NEDD4L: variants seen among roughly 807,000 people sequenced by gnomAD.
The protein encoded by NEDD4L is E3 ubiquitin-protein ligase NEDD4-like.
A neutral mutation model predicts 148.9 loss-of-function variants in NEDD4L; 54 were observed. The observed-to-expected ratio is 0.36, with a 90% CI of 0.29 to 0.45. The LOEUF (loss-of-function observed/expected upper bound fraction) is 0.45. Among genes scored for constraint, NEDD4L ranks in the 20% least tolerant of loss-of-function variants. The pLI, the probability that NEDD4L is intolerant of heterozygous loss-of-function variation, is 1.00. For synonymous variants in NEDD4L, 433 were observed against 440.7 expected, an observed-to-expected ratio of 0.98 and a Z score of 0.22; for missense variants, 856 against 1,233.8, an observed-to-expected ratio of 0.69 and a Z score of 4.59.
rs571833614 is a variant in NEDD4L, at chr18:58,398,442, C to T, written c.*2173C>T. 2.6e-5 allele frequency: 4 copies of T among 151,400 alleles called. No homozygotes were observed. The highest frequency in any genetic ancestry group is 1.9e-4 in the East Asian group (1 of 5,184). The allele number at this position is 151,400 out of a possible 1,614,324, so 9.4% of individuals were successfully genotyped here. On this transcript the variant is annotated 3_prime_UTR_variant, in exon 31 of 31. Coordinates refer to ENST00000400345, the MANE Select transcript of NEDD4L (RefSeq NM_001144967.3). ...GGGATTCTTCTGTCATCTTGTAAAC[C>T]GTATATTGAAAAAAACAGAATGTCA...
At chr18:58,369,684 GGT>G (rs1023008497) in intron 22 of NEDD4L, among the ~76,000 whole-genome samples, 33 of 152,284 alleles carry the variant, frequency 2.2e-4, no homozygotes, top group Admixed American at 8.5e-4. Context: ...TGCCAGGTCT[GGT>G]GGGGTCAGGA....
intron 18 of NEDD4L, among the ~76,000 whole-genome samples, chr18:58,353,035 G>A (rs1432776288): frequency 6.6e-6 from 1 of 152,190 alleles, no homozygotes; most frequent in East Asian, 1.9e-4. Context: ...TTGAAATCAG[G>A]TTCATGGAGG....
intron 5 of NEDD4L, among the ~76,000 whole-genome samples, chr18:58,280,501 A>G (rs1484959947): frequency 6.6e-6 from 1 of 152,154 alleles, no homozygotes; most frequent in East Asian, 1.9e-4. Context: ...CGAAGACCAG[A>G]TGTGGCAGGG....
chr18:58,188,359 T>G (rs1568353416), intron 2 of NEDD4L, among the ~76,000 whole-genome samples: 1 of 152,188 alleles, frequency 6.6e-6, no homozygotes, highest in Non-Finnish European at 1.5e-5. Flanking sequence ...AAAAACATAT[T>G]GTTGCCAAGA....
At chr18:58,373,307 T>C (rs1355549267) in intron 24 of NEDD4L, 38 bp downstream of exon 24, 1 of 1,209,114 alleles carries the variant, frequency 8.3e-7, no homozygotes, top group South Asian at 1.3e-5. Flanking sequence ...TCTTTAGCTT[T>C]CAAGGGGCAT....
At chr18:58,115,306 G>GT (rs2085746154) in intron 1 of NEDD4L, among the ~76,000 whole-genome samples, 1 of 142,374 alleles carries the variant, frequency 7.0e-6, no homozygotes. Flanking sequence ...ATGCAGTCCA[G>GT]TTGCCTTCTG....
At chr18:58,201,143 G>C (rs1404259801) in intron 2 of NEDD4L, among the ~76,000 whole-genome samples, 2 of 152,160 alleles carry the variant, frequency 1.3e-5, no homozygotes, top group Non-Finnish European at 2.9e-5. Context: ...GGCCACCCTG[G>C]CCAACGTGGT....
chr18:58,133,779 G>T (rs1418916982), intron 1 of NEDD4L, among the ~76,000 whole-genome samples: 1 of 152,136 alleles, frequency 6.6e-6, no homozygotes, highest in Non-Finnish European at 1.5e-5. Context: ...GAAGTTTAGT[G>T]AGTTAATGAA....
At chr18:58,217,295 G>A (rs1288696983) in intron 2 of NEDD4L, among the ~76,000 whole-genome samples, 9 of 152,094 alleles carry the variant, frequency 5.9e-5, no homozygotes, top group East Asian at 1.9e-4. Context: ...TGTTATCTTC[G>A]TTGTGTTCAA....
intron 18 of NEDD4L, 92 bp from the exon 19 acceptor site, chr18:58,357,102 A>T: frequency 8.5e-7 from 1 of 1,181,824 alleles, no homozygotes. Flanking sequence ...GCTTTTGAAG[A>T]ATCCAGAAAT....
intron 28 of NEDD4L, 29 bp from the exon 29 acceptor site, chr18:58,390,617 G>A (rs371383849): frequency 5.1e-5 from 73 of 1,439,930 alleles, no homozygotes; most frequent in Non-Finnish European, 6.7e-5. Flanking sequence ...CACGTGGGGG[G>A]TATAATGACC....
intron 5 of NEDD4L, among the ~76,000 whole-genome samples, chr18:58,295,742 C>G (rs1278285933): frequency 3.9e-5 from 6 of 152,070 alleles, no homozygotes; most frequent in African/African-American, 1.4e-4. Context: ...GGAGCAGATT[C>G]TGTATAAGCA....
At position 58,397,634 on chromosome 18, in the gene NEDD4L, A is replaced by AT. The variant is rs1284114738; in HGVS notation, c.*1367dup. On this transcript the variant is annotated 3_prime_UTR_variant, in exon 31 of 31. Transcript: ENST00000400345. ...CTGAGTTGTGCCTCTTGTGTGCTAG[A>AT]TTAAAAGTGAGACAGAGACTTGACT... The AT allele has an allele frequency of 1.3e-5, 2 of 152,540 alleles. No individual in the cohort carries two copies. The highest frequency in any genetic ancestry group is 1.3e-4 in the Admixed American group (2 of 15,286). The allele number at this position is 152,540 out of a possible 1,614,324, so 9.4% of individuals were successfully genotyped here.
chr18:58,088,239 T>C (rs1214254752), intron 1 of NEDD4L, among the ~76,000 whole-genome samples: 3 of 152,232 alleles, frequency 2.0e-5, no homozygotes, highest in Non-Finnish European at 4.4e-5. Flanking sequence ...CACTCTGTCA[T>C]TTCTGCAATA....
At chr18:58,394,499 A>G (rs1304804605) in intron 30 of NEDD4L, among the ~76,000 whole-genome samples, 1 of 152,252 alleles carries the variant, frequency 6.6e-6, no homozygotes, top group Non-Finnish European at 1.5e-5. Context: ...CCCCAGCTGA[A>G]AAGCCTGAAG....
chr18:58,057,419 G>A (rs1249682650), intron 1 of NEDD4L, among the ~76,000 whole-genome samples: 1 of 152,202 alleles, frequency 6.6e-6, no homozygotes, highest in Non-Finnish European at 1.5e-5. Context: ...AACAGGAACA[G>A]CTGGGAGCGT....
At chr18:58,229,182 T>C (rs957790935) in intron 2 of NEDD4L, among the ~76,000 whole-genome samples, 1 of 152,222 alleles carries the variant, frequency 6.6e-6, no homozygotes, top group Non-Finnish European at 1.5e-5. Flanking sequence ...GCAGAATATA[T>C]ACAGTGTCAA....
chr18:58,381,612 C>T (rs1317620450), intron 24 of NEDD4L, among the ~76,000 whole-genome samples: 6 of 152,110 alleles, frequency 3.9e-5, no homozygotes. Flanking sequence ...GATACCAATG[C>T]CTGGGCTGGG....
intron 1 of NEDD4L, among the ~76,000 whole-genome samples, chr18:58,119,453 C>T (rs2086081180): frequency 6.6e-6 from 1 of 152,216 alleles, no homozygotes; most frequent in Non-Finnish European, 1.5e-5. Context: ...AATCGCTTAT[C>T]AGCCTGGACT....
Sources: gnomAD v4.1 joint callset for allele counts (sites outside exome capture counted in the v4.1 genomes callset) on GRCh38, gnomAD v4.1.1 for gene constraint, MANE v1.5 for transcripts, NCBI Gene and HGNC (gene_info 2026-07-23, HGNC 2026-07-21) for gene names.